TSC1: variants seen among roughly 807,000 people sequenced by gnomAD.
TSC1 encodes the protein hamartin.
In TSC1, 20 loss-of-function variants were observed where a neutral mutation model predicts 124.3. The observed-to-expected ratio is 0.16, with a 90% CI of 0.11 to 0.23. TSC1 has a LOEUF of 0.23. Among genes scored for constraint, TSC1 ranks in the 10% least tolerant of loss-of-function variants. The pLI, the probability that TSC1 is intolerant of heterozygous loss-of-function variation, is 1.00. For missense variants in TSC1, 1,124 were observed against 1,448.5 expected (o/e 0.78, Z 3.64); for synonymous variants, 493 against 539.1 (o/e 0.91, Z 1.19).
intron 1 of TSC1, among the ~76,000 whole-genome samples, 163 bp from the exon 2 acceptor site, chr9:132,935,258 TC>T (rs765495417): frequency 6.6e-6 from 1 of 152,244 alleles, no homozygotes; most frequent in Non-Finnish European, 1.5e-5. Flanking sequence ...CACGTGCCTC[TC>T]CCCGTCTACA....
Position 132,928,751 on chromosome 9 carries a change from A to C in TSC1, c.106+16T>G, listed in dbSNP as rs1847029176. 6.2e-7 allele frequency: 1 copy of C among 1,613,836 alleles called. No individual in the cohort carries two copies. Among genetic ancestry groups the C allele is most frequent in the East Asian group, 2.2e-5 (1 of 44,884 alleles). ...CTTTCTAGAAGATAAGCTAAAAAGG[A>C]TATTATTTTGCTAACCAGAATTGAG... On this transcript the variant is annotated intron_variant, in intron 3 of 22. Transcript: ENST00000298552.
chr9:132,913,833 A>G (rs1030763029), intron 8 of TSC1, among the ~76,000 whole-genome samples: 2 of 150,050 alleles, frequency 1.3e-5, no homozygotes, highest in Non-Finnish European at 3.0e-5. Flanking sequence ...CTCAAAAAAA[A>G]AAAAAAAAAA....
At chr9:132,904,097 T>C (rs1845525276) in intron 16 of TSC1, among the ~76,000 whole-genome samples, 1 of 152,168 alleles carries the variant, frequency 6.6e-6, no homozygotes, top group Non-Finnish European at 1.5e-5. Flanking sequence ...TCAGATGCCC[T>C]GTTTCTCAAG....
rs201437567 is a variant in TSC1, at chr9:132,923,912, TA to T, written c.364-421del. 6.2e-3 allele frequency among the ~76,000 whole-genome samples: 875 copies of T among 140,946 alleles called. 6 individuals carry two copies. Among genetic ancestry groups the T allele is most frequent in the African/African-American group, 0.018 (704 of 38,724 alleles). The allele number at this position is 140,946 out of a possible 152,430, so 92.5% of individuals were successfully genotyped here. On this transcript the variant is annotated intron_variant, in intron 5 of 22. Coordinates refer to ENST00000298552, the MANE Select transcript of TSC1 (RefSeq NM_000368.5). This position sits in a 1 kb window ranked among gnomAD's most constrained non-coding sequence, Gnocchi z 4.2. ...CCTAAGATACTTACTTTTTGTTAAT[TA>T]AAAAAAAAAAAAACTGCACATTGAC...
chr9:132,894,043 A>G lies in TSC1; in HGVS notation c.*2192T>C, dbSNP rs1844900997. On this transcript the variant is annotated 3_prime_UTR_variant, in exon 23 of 23. Transcript: ENST00000298552. ...AGTTGAATAAAACCCACAGCCTCCT[A>G]GAACTCAAAGGCACCTGAGCTTGGA... is the stretch of plus-strand genomic sequence containing the variant. 4.3e-6 allele frequency: 1 copy of G among 233,458 alleles called. No individual in the cohort carries two copies. Among genetic ancestry groups the G allele is most frequent in the African/African-American group, 2.2e-5 (1 of 45,334 alleles). 14.5% of individuals were successfully genotyped at this position (233,458 alleles called of 1,614,324 possible).
intron 8 of TSC1, 93 bp from the exon 9 acceptor site, chr9:132,912,550 G>C: frequency 6.9e-7 from 1 of 1,458,954 alleles, no homozygotes; most frequent in East Asian, 2.3e-5. Flanking sequence ...ACGGAACTCT[G>C]ATAGCAAAGA....
At chr9:132,901,720 A>G in intron 18 of TSC1, 21 bp from the exon 19 acceptor site, 2 of 1,612,388 alleles carry the variant, frequency 1.2e-6, no homozygotes, top group Non-Finnish European at 1.7e-6. Context: ...AGACGTGGAC[A>G]TGAAGTTTGA....
rs1171869067 is a variant in TSC1 at position 132,943,019 on chromosome 9, G to A, written c.-144+1524C>T. ...AATGTTCAATTTAAGAATCACAGGT[G>A]GTTGCTCGGTAAATCAAAGGCTCCC... is the stretch of plus-strand genomic sequence containing the variant. On this transcript the variant is annotated intron_variant, in intron 1 of 22. Transcript: ENST00000298552. 3.9e-5 allele frequency among the ~76,000 whole-genome samples: 6 copies of A among 152,142 alleles called. No homozygotes were observed. The East Asian group carries it at 1.2e-3, about 29-fold the overall frequency.
At position 132,893,678 on chromosome 9, in the gene TSC1, G is replaced by C; in HGVS notation, c.*2557C>G. ...TTGGCCAAACAGCTGAGACAGGTAT[G>C]CTCACCCATAGTGATTTCTGGATGG... On this transcript the variant is annotated 3_prime_UTR_variant, in exon 23 of 23. Coordinates refer to ENST00000298552, the MANE Select transcript of TSC1 (RefSeq NM_000368.5). The C allele has an allele frequency of 4.3e-6, 1 of 233,182 alleles. No homozygotes were observed. The highest frequency in any genetic ancestry group is 8.5e-6 in the Non-Finnish European group (1 of 117,992). 14.4% of individuals were successfully genotyped at this position (233,182 alleles called of 1,614,324 possible). A position where few individuals can be genotyped will look rare whatever the true frequency, so the allele number is the denominator to read the frequency against.
In TSC1 at chr9:132,897,294, G is replaced by A. The variant is rs45468995; in HGVS notation, c.2865C>T (p.Thr955=). 4,076 of 1,614,154 alleles carry A rather than the reference G, an allele frequency of 2.5e-3. 10 individuals carry two copies. The highest frequency in any genetic ancestry group is 3.2e-3 in the Non-Finnish European group (3,730 of 1,180,034). ...ESRYEAQKRI[T]QVFELEILDL... ...CTAAGATCTCCAATTCAAACACCTG[G>A]GTTATCCTTTTCTGAGCCTCATACC... The change falls in exon 22 of 23, where the codon ACC becomes ACT. Residue 955 remains threonine (T), a synonymous_variant. Transcript: ENST00000298552.
At position 132,940,072 on chromosome 9, in the gene TSC1, T is replaced by C. The variant is rs1025934150; in HGVS notation, c.-144+4471A>G. The stretch of plus-strand genomic sequence containing the variant: ...CATAAACCTTGGGGAAAAGGCCCAG[T>C]GGAATTCTGCCAGGTGCTAAAGGTA... On this transcript the variant is annotated intron_variant, in intron 1 of 22. Transcript: ENST00000298552. 3.3e-5 allele frequency among the ~76,000 whole-genome samples: 5 copies of C among 152,190 alleles called. No homozygotes were observed. The South Asian group carries it at 6.2e-4, about 19-fold the overall frequency.
chr9:132,928,319 C>T (rs1480123207), intron 3 of TSC1, among the ~76,000 whole-genome samples: 1 of 152,218 alleles, frequency 6.6e-6, no homozygotes, highest in Non-Finnish European at 1.5e-5. Flanking sequence ...AAAGGCTGAA[C>T]ATCAATTCAT....
intron 6 of TSC1, among the ~76,000 whole-genome samples, chr9:132,922,729 G>C (rs370483938): frequency 3.9e-5 from 6 of 152,276 alleles, no homozygotes; most frequent in African/African-American, 1.4e-4. Context: ...TATACAGGAA[G>C]GCACGGTGTT....
Position 132,891,921 on chromosome 9 carries a change from C to CT in TSC1, c.*4313dup, listed in dbSNP as rs937769454. The CT allele has an allele frequency of 4.3e-6, 1 of 233,346 alleles. No homozygotes were observed. Among genetic ancestry groups the CT allele is most frequent in the Non-Finnish European group, 8.5e-6 (1 of 117,968 alleles). The allele number at this position is 233,346 out of a possible 1,614,324, so 14.5% of individuals were successfully genotyped here. A position where few individuals can be genotyped will look rare whatever the true frequency, so the allele number is the denominator to read the frequency against. ...GGTTCTCAGACTCTCAGGGTTTCCA[C>CT]TGAAAGGTCCATTCCAATGGTTAAA... On this transcript the variant is annotated 3_prime_UTR_variant, in exon 23 of 23. Transcript: ENST00000298552.
chr9:132,901,251 C>T (rs1845357755), intron 19 of TSC1, among the ~76,000 whole-genome samples: 1 of 152,220 alleles, frequency 6.6e-6, no homozygotes, highest in South Asian at 2.1e-4. Flanking sequence ...AAACTTTTGA[C>T]ATTTATGTAA....
In TSC1 at chr9:132,903,593, A is replaced by G; in HGVS notation, c.2208+58T>C. 1 of 1,611,006 alleles carries G rather than the reference A, an allele frequency of 6.2e-7. No individual in the cohort carries two copies. Among genetic ancestry groups the G allele is most frequent in the South Asian group, 1.1e-5 (1 of 90,836 alleles). On this transcript the variant is annotated intron_variant, in intron 17 of 22. Coordinates refer to ENST00000298552, the MANE Select transcript of TSC1 (RefSeq NM_000368.5). The surrounding 1 kb of genome is among the most constrained non-coding windows in gnomAD (Gnocchi z 5.9). ...CGGCTGCTGTGCTTTATAAGCTATC[A>G]TGCTGACCCAAAACAAAACAAAAAG...
rs1429057807 is a variant in TSC1, at chr9:132,896,126, A to C, written c.*109T>G. 1.3e-6 allele frequency: 2 copies of C among 1,526,440 alleles called. No individual in the cohort carries two copies. The highest frequency in any genetic ancestry group is 1.4e-5 in the African/African-American group (1 of 73,362). The allele number at this position is 1,526,440 out of a possible 1,614,324, so 94.6% of individuals were successfully genotyped here. A position where few individuals can be genotyped will look rare whatever the true frequency, so the allele number is the denominator to read the frequency against. ...CAAAGGACCTCCGTCCCATTTCCAC[A>C]CATGAACTTGCACTCAGACCCTGGA... On this transcript the variant is annotated 3_prime_UTR_variant, in exon 23 of 23. Coordinates refer to ENST00000298552, the MANE Select transcript of TSC1 (RefSeq NM_000368.5). This position sits in a 1 kb window ranked among gnomAD's most constrained non-coding sequence, Gnocchi z 4.5.
At chr9:132,899,474 C>A (rs1845257996) in intron 20 of TSC1, 1 of 152,274 alleles carries the variant, frequency 6.6e-6, no homozygotes, top group Admixed American at 6.5e-5. Flanking sequence ...AACCTCTTGT[C>A]AAGTGAAACA....
chr9:132,896,432 T>A lies in TSC1; in HGVS notation c.3298A>T (p.Ser1100Cys), dbSNP rs1845047652. The A allele has an allele frequency of 6.2e-7, 1 of 1,614,218 alleles. No individual in the cohort carries two copies. The highest frequency in any genetic ancestry group is 8.5e-7 in the Non-Finnish European group (1 of 1,180,042). The change falls in exon 23 of 23, where the codon AGC (serine) becomes TGC (cysteine). Residue 1100 changes from serine to cysteine, a missense_variant. Coordinates refer to ENST00000298552, the MANE Select transcript of TSC1 (RefSeq NM_000368.5). The surrounding 1 kb of genome is among the most constrained non-coding windows in gnomAD (Gnocchi z 4.5). ...CCGTCCTCATCACACTGGCTCTCGC[T>A]CTTATTACGAAATAACTCTCGAGCC... ...MKARELFRNK[S>C]ESQCDEDGMT...
Sources: gnomAD v4.1 joint callset for allele counts (sites outside exome capture counted in the v4.1 genomes callset) on GRCh38, gnomAD v4.1.1 for gene constraint, Gnocchi (gnomAD v3.1) non-coding constraint, MANE v1.5 for transcripts, NCBI Gene and HGNC (gene_info 2026-07-23, HGNC 2026-07-21) for gene names.